Variants in UGT2B7 observed in about 807,000 individuals in gnomAD.
UGT2B7 encodes UDP-glucuronosyltransferase 2B7.
In UGT2B7, 51 loss-of-function variants were observed where a neutral mutation model predicts 51.9. The observed-to-expected ratio is 0.98, with a 90% CI of 0.78 to 1.24. The LOEUF is 1.24. UGT2B7 is among the 50% of genes most tolerant of loss of function. The pLI, the probability that UGT2B7 is intolerant of heterozygous loss-of-function variation, is 0.00. For missense variants in UGT2B7, 727 were observed against 628.4 expected (o/e 1.16, Z -1.68); for synonymous variants, 225 against 211.6 (o/e 1.06, Z -0.55).
intron 1 of UGT2B7, among the ~76,000 whole-genome samples, chr4:69,064,094 A>AAGAAAGAGAG (rs1560499755): frequency 5.8e-4 from 49 of 84,430 alleles, no homozygotes; most frequent in Non-Finnish European, 8.5e-4. Flanking sequence ...GAAAGAAAGA[A>AAGAAAGAGAG]AGAGAAAGAA....
At chr4:69,087,462 G>A (rs564219316) in intron 1 of UGT2B7, among the ~76,000 whole-genome samples, 17 of 151,828 alleles carry the variant, frequency 1.1e-4, no homozygotes, top group African/African-American at 3.4e-4. Flanking sequence ...AGATATAAAT[G>A]GCTTATATAC....
At chr4:69,052,870 G>C (rs975017233) in intron 1 of UGT2B7, among the ~76,000 whole-genome samples, 3 of 152,060 alleles carry the variant, frequency 2.0e-5, no homozygotes, top group South Asian at 2.1e-4. Flanking sequence ...AGATTATAAG[G>C]AGGCATAAAA....
chr4:69,102,910 C>T lies in UGT2B7; in HGVS notation c.974C>T (p.Ala325Val), dbSNP rs375769374. 10 of 1,613,510 alleles carry T rather than the reference C, an allele frequency of 6.2e-6. No individual in the cohort carries two copies. The highest frequency in any genetic ancestry group is 8.5e-6 in the Non-Finnish European group (10 of 1,179,640). The change falls in exon 3 of 6, where the codon GCA becomes GTA. Residue 325 changes from alanine to valine, a missense_variant. Transcript: ENST00000305231. ...NMTEERANVIASALAQIPQKV... is the reference protein window; with the variant it reads ...NMTEERANVIVSALAQIPQKV... ...ACAGAAGAAAGGGCCAACGTAATTG[C>T]ATCAGCCCTGGCCCAGATCCCACAA...
At chr4:69,053,463 A>G (rs1409325599) in intron 1 of UGT2B7, among the ~76,000 whole-genome samples, 1 of 152,248 alleles carries the variant, frequency 6.6e-6, no homozygotes, top group East Asian at 1.9e-4. Context: ...AGCAATTGTT[A>G]TGCTTGTGCA....
At chr4:69,096,366 A>T, upstream of UGT2B7, 1 of 1,210,860 alleles carries the variant, frequency 8.3e-7, no homozygotes, top group Non-Finnish European at 1.1e-6. Flanking sequence ...TCTCTTTGCC[A>T]TCCACATGCT....
At chr4:69,102,696 A>G in intron 2 of UGT2B7, 111 bp from the exon 3 acceptor site, 2 of 1,495,348 alleles carry the variant, frequency 1.3e-6, no homozygotes, top group South Asian at 1.3e-5. Flanking sequence ...ATTTACTCCA[A>G]TAATTCCTCA....
intron 4 of UGT2B7, 33 bp from the exon 5 acceptor site, chr4:69,108,070 T>C: frequency 6.2e-7 from 1 of 1,604,522 alleles, no homozygotes; most frequent in Non-Finnish European, 8.5e-7. Context: ...TTTATTCCTA[T>C]GAGTAATTTT....
chr4:69,084,105 A>C (rs554131916), intron 1 of UGT2B7, among the ~76,000 whole-genome samples: 131 of 152,220 alleles, frequency 8.6e-4, no homozygotes, highest in African/African-American at 3.1e-3. Context: ...AAATTTTATC[A>C]AATGCTTTTT....
At chr4:69,093,332 C>A (rs1719130333), upstream of UGT2B7, among the ~76,000 whole-genome samples, 1 of 152,210 alleles carries the variant, frequency 6.6e-6, no homozygotes, top group African/African-American at 2.4e-5. Context: ...CTAAGTTGCA[C>A]AAACAGCAAA....
At chr4:69,110,354 CTTTAAAT>C (rs1315694985) in intron 5 of UGT2B7, among the ~76,000 whole-genome samples, 1 of 151,958 alleles carries the variant, frequency 6.6e-6, no homozygotes, top group Non-Finnish European at 1.5e-5. Flanking sequence ...ACTAACATAT[CTTTAAAT>C]TTTAGAGATC....
intron 1 of UGT2B7, 46 bp downstream of exon 1, chr4:69,097,287 T>A (rs565303073): frequency 6.3e-7 from 1 of 1,578,792 alleles, no homozygotes; most frequent in South Asian, 1.2e-5. Context: ...AACTTATTTG[T>A]GTCTTTGAAG....
At chr4:69,090,153 G>C (rs181504061) in intron 2 of UGT2B7, among the ~76,000 whole-genome samples, 1 of 152,146 alleles carries the variant, frequency 6.6e-6, no homozygotes, top group Non-Finnish European at 1.5e-5. Flanking sequence ...CTAGTAGTCA[G>C]TTAATTTTAA....
At chr4:69,074,711 A>C (rs1342273518) in intron 1 of UGT2B7, among the ~76,000 whole-genome samples, 2 of 151,898 alleles carry the variant, frequency 1.3e-5, no homozygotes, top group Non-Finnish European at 2.9e-5. Flanking sequence ...AAGTCACTGC[A>C]CTCTGTAAAT....
chr4:69,106,744 C>T (rs1375438793), intron 3 of UGT2B7, among the ~76,000 whole-genome samples: 4 of 152,074 alleles, frequency 2.6e-5, no homozygotes, highest in African/African-American at 7.2e-5. Flanking sequence ...TTCTATACTA[C>T]CTCACCAGTA....
intron 1 of UGT2B7, among the ~76,000 whole-genome samples, chr4:69,079,418 G>A (rs1718786548): frequency 6.6e-6 from 1 of 152,108 alleles, no homozygotes; most frequent in African/African-American, 2.4e-5. Flanking sequence ...CACCAACATG[G>A]CACATGTATA....
At chr4:69,093,510 G>A (rs77141058), upstream of UGT2B7, among the ~76,000 whole-genome samples, 1,587 of 152,246 alleles carry the variant, frequency 0.01, 29 homozygotes, top group African/African-American at 0.036. Flanking sequence ...CTCCCACTTT[G>A]CAATTCTAAC....
At position 69,107,208 on chromosome 4, in the gene UGT2B7, A is replaced by G. The variant is rs765256561; in HGVS notation, c.1036A>G (p.Thr346Ala). The change falls in exon 4 of 6, where the codon ACC becomes GCC. Residue 346 changes from threonine to alanine, a missense_variant. Physicochemically the swap from Thr to Ala is moderately conservative, Grantham distance 58. Coordinates refer to ENST00000305231, the MANE Select transcript of UGT2B7 (RefSeq NM_001074.4). ...GAGATTTGATGGGAATAAACCAGATACCTTAGGTCTCAATACTCGGCTCTA... is the reference window on the plus strand; with the variant it reads ...GAGATTTGATGGGAATAAACCAGATGCCTTAGGTCTCAATACTCGGCTCTA... ...LWRFDGNKPDTLGLNTRLYKW... is the reference protein window; with the variant it reads ...LWRFDGNKPDALGLNTRLYKW... 6.2e-6 allele frequency: 10 copies of G among 1,609,562 alleles called. No individual in the cohort carries two copies. In the Admixed American group the frequency reaches 1.5e-4, roughly 24 times the overall value.
chr4:69,087,733 G>T (rs949158474), intron 1 of UGT2B7, among the ~76,000 whole-genome samples: 1 of 150,494 alleles, frequency 6.6e-6, no homozygotes, highest in South Asian at 2.1e-4. Context: ...ATTTTTTTCA[G>T]CACTTTAAAT....
At chr4:69,097,906 T>C (rs1015600494) in intron 1 of UGT2B7, among the ~76,000 whole-genome samples, 1 of 152,072 alleles carries the variant, frequency 6.6e-6, no homozygotes, top group African/African-American at 2.4e-5. Flanking sequence ...TTAGAACATA[T>C]GAGACAAATT....
Sources: gnomAD v4.1 joint callset for allele counts (sites outside exome capture counted in the v4.1 genomes callset) on GRCh38, gnomAD v4.1.1 for gene constraint, MANE v1.5 for transcripts, NCBI Gene and HGNC (gene_info 2026-07-23, HGNC 2026-07-21) for gene names.